Variants in TAF12 observed in about 807,000 individuals in gnomAD.
TAF12 encodes the protein TATA-box binding protein associated factor 12.
Under a neutral mutation model 20.8 loss-of-function variants are expected in TAF12, and 3 were observed. The observed-to-expected ratio is 0.14, with a 90% CI of 0.07 to 0.37. The LOEUF is 0.37. Ranked by LOEUF, TAF12 falls within the 10% of genes least tolerant of loss-of-function variation. TAF12 has a pLI of 1.00. For synonymous variants in TAF12, 69 were observed against 70.2 expected (o/e 0.98, Z 0.09); for missense variants, 131 against 197.9 (o/e 0.66, Z 2.03).
At chr1:28,615,761 A>C (rs1667020475) in intron 3 of TAF12, among the ~76,000 whole-genome samples, 1 of 148,978 alleles carries the variant, frequency 6.7e-6, no homozygotes, top group African/African-American at 2.5e-5. Context: ...TTTTCTCCGG[A>C]GATATTGAAT....
intron 4 of TAF12, among the ~76,000 whole-genome samples, chr1:28,612,537 TATAA>T (rs1163169829): frequency 2.7e-5 from 4 of 145,944 alleles, no homozygotes; most frequent in Non-Finnish European, 4.5e-5. Context: ...ATAAATTATA[TATAA>T]ATATATATAC....
At chr1:28,635,155 G>A (rs1201987763) in intron 1 of TAF12, among the ~76,000 whole-genome samples, 1 of 149,580 alleles carries the variant, frequency 6.7e-6, no homozygotes, top group South Asian at 2.1e-4. Flanking sequence ...GCGCGAACCC[G>A]GGAGGTGGAG....
intron 2 of TAF12, among the ~76,000 whole-genome samples, chr1:28,618,752 C>T (rs1366617460): frequency 1.3e-5 from 2 of 152,062 alleles, no homozygotes; most frequent in African/African-American, 4.8e-5. Context: ...CTCCTTTGGC[C>T]TCTACTGTAT....
chr1:28,631,279 T>C (rs559176558), intron 1 of TAF12, among the ~76,000 whole-genome samples: 7 of 151,970 alleles, frequency 4.6e-5, no homozygotes, highest in Admixed American at 2.0e-4. Context: ...CCCAGCCCTT[T>C]GGGAGGCCGA....
At chr1:28,634,864 G>C (rs1486376810) in intron 1 of TAF12, among the ~76,000 whole-genome samples, 1 of 151,954 alleles carries the variant, frequency 6.6e-6, no homozygotes, top group Non-Finnish European at 1.5e-5. Flanking sequence ...GGGAGGTGGA[G>C]GTTGCAGTGA....
Position 28,624,734 on chromosome 1 carries a change from G to A in TAF12, c.-84-2569C>T, listed in dbSNP as rs553025208. On this transcript the variant is annotated intron_variant, in intron 1 of 5. Coordinates refer to ENST00000373824, the MANE Select transcript of TAF12 (RefSeq NM_005644.4). ...TGCACTCCAGCCTGGGCAACAGAGC[G>A]AGACTCTGTCTCAAAAAAAAATAAA... Among the ~76,000 whole-genome samples the A allele has an allele frequency of 3.3e-3, 504 of 150,980 alleles. 2 individuals carry two copies. The highest frequency in any genetic ancestry group is 0.012 in the African/African-American group (479 of 41,316).
At chr1:28,604,663 T>C (rs954862638) in intron 5 of TAF12, among the ~76,000 whole-genome samples, 3 of 152,202 alleles carry the variant, frequency 2.0e-5, no homozygotes, top group East Asian at 1.9e-4. Context: ...GCTCCAGAGA[T>C]ACCAGGCTAT....
intron 1 of TAF12, 30 bp from the exon 2 acceptor site, chr1:28,622,195 T>C: frequency 6.8e-7 from 1 of 1,464,758 alleles, no homozygotes; most frequent in Non-Finnish European, 9.0e-7. Flanking sequence ...GAATTAGCTC[T>C]AGAAGAACCT....
At position 28,603,152 on chromosome 1, in the gene TAF12, A is replaced by C. The variant is rs1666561425; in HGVS notation, c.*387T>G. On this transcript the variant is annotated 3_prime_UTR_variant, in exon 6 of 6. Coordinates refer to ENST00000373824, the MANE Select transcript of TAF12 (RefSeq NM_005644.4). Reference sequence around the variant, plus strand: ...GCAAATGAAAGTCATATTCATATAAACACTGACATTACAAAGTACAGGGAA... The same window carrying C: ...GCAAATGAAAGTCATATTCATATAACCACTGACATTACAAAGTACAGGGAA... 5.5e-6 allele frequency: 1 copy of C among 180,754 alleles called. No homozygotes were observed. The allele number at this position is 180,754 out of a possible 1,614,324, so 11.2% of individuals were successfully genotyped here.
chr1:28,647,048 G>A (rs933736782), upstream of TAF12, among the ~76,000 whole-genome samples: 1 of 151,802 alleles, frequency 6.6e-6, no homozygotes, highest in Non-Finnish European at 1.5e-5. Context: ...TGGCCAGGCT[G>A]GTCTCAAACT....
chr1:28,643,089 T>C, upstream of TAF12: 1 of 985,824 alleles, frequency 1.0e-6, no homozygotes, highest in Non-Finnish European at 1.2e-6. Context: ...CCCGACTACT[T>C]CCGGCACCGC....
At chr1:28,640,170 T>A (rs1667986516) in intron 1 of TAF12, among the ~76,000 whole-genome samples, 1 of 152,134 alleles carries the variant, frequency 6.6e-6, no homozygotes, top group African/African-American at 2.4e-5. Flanking sequence ...GCCTCCTAAA[T>A]CTAAAATTAA....
intron 4 of TAF12, among the ~76,000 whole-genome samples, 168 bp downstream of exon 4, chr1:28,613,079 A>C (rs867016940): frequency 2.0e-5 from 3 of 152,212 alleles, no homozygotes; most frequent in Non-Finnish European, 4.4e-5. Context: ...CATTCTCCCT[A>C]CCACAGATGG....
At chr1:28,645,978 A>G (rs1009928172), upstream of TAF12, 3 of 151,870 alleles carry the variant, frequency 2.0e-5, no homozygotes, top group Non-Finnish European at 4.4e-5. Flanking sequence ...AAAAAAAAAA[A>G]AAAGAGAGAT....
chr1:28,642,783 G>C (rs1019356345), intron 1 of TAF12: 1 of 984,990 alleles, frequency 1.0e-6, no homozygotes, highest in Non-Finnish European at 1.2e-6. Flanking sequence ...ATCCGTCCCC[G>C]TTCCCTAAGT....
Position 28,613,239 on chromosome 1 carries a change from C to T in TAF12, c.361+8G>A. 6.2e-7 allele frequency: 1 copy of T among 1,603,296 alleles called. No individual in the cohort carries two copies. The highest frequency in any genetic ancestry group is 8.5e-7 in the Non-Finnish European group (1 of 1,174,578). ...ATCCATACTTCAGGGAGAAACAAGA[C>T]CACATACCTAAATGCAGCTGGACAT... On this transcript the variant is annotated splice_region_variant and intron_variant, in intron 4 of 5. Transcript: ENST00000373824.
At chr1:28,628,539 A>G (rs893091063) in intron 1 of TAF12, among the ~76,000 whole-genome samples, 2 of 152,086 alleles carry the variant, frequency 1.3e-5, no homozygotes, top group African/African-American at 4.8e-5. Flanking sequence ...GGTTTCTTTT[A>G]CGGGATACAA....
intron 2 of TAF12, among the ~76,000 whole-genome samples, chr1:28,619,092 C>G (rs974955417): frequency 6.6e-6 from 1 of 152,066 alleles, no homozygotes; most frequent in African/African-American, 2.4e-5. Context: ...TGGCTCACGC[C>G]TGTAATCCCA....
chr1:28,637,952 A>G (rs1289949582), intron 1 of TAF12, among the ~76,000 whole-genome samples: 2 of 151,984 alleles, frequency 1.3e-5, no homozygotes, highest in East Asian at 3.9e-4. Context: ...GGAGTTTAAG[A>G]CCAGCCTGGG....
Sources: allele counts gnomAD v4.1 joint callset (sites outside exome capture counted in the v4.1 genomes callset), GRCh38; gene constraint gnomAD v4.1.1; transcripts MANE v1.5; gene names NCBI Gene and HGNC (gene_info 2026-07-23, HGNC 2026-07-21).